Variants in GALNT14 observed in about 807,000 individuals in gnomAD.
GALNT14 encodes polypeptide N-acetylgalactosaminyltransferase 14, also known as UDP-GalNAc:polypeptide N-acetylgalactosaminyltransferase 14.
Under a neutral mutation model 77.5 loss-of-function variants are expected in GALNT14, and 60 were observed. The ratio of observed to expected loss-of-function variants is 0.77; its 90% CI spans 0.63 to 0.96. The LOEUF is 0.96. Ranked by LOEUF, GALNT14 falls within the 40% of genes least tolerant of loss-of-function variation. GALNT14 has a pLI of 0.00. For missense variants in GALNT14, 710 were observed against 731.0 expected (o/e 0.97, Z 0.33); for synonymous variants, 280 against 281.7 (o/e 0.99, Z 0.06).
intron 2 of GALNT14, among the ~76,000 whole-genome samples, chr2:30,989,236 G>A (rs1288123632): frequency 6.6e-6 from 1 of 152,048 alleles, no homozygotes. Context: ...CTAAGGACCA[G>A]CACCCCACAC....
At chr2:30,911,165 C>T in intron 14 of GALNT14, 106 bp from the exon 15 acceptor site, 1 of 994,476 alleles carries the variant, frequency 1.0e-6, no homozygotes, top group Non-Finnish European at 1.5e-6. Context: ...CACTGAGAGA[C>T]TTGATTTCAT....
intron 1 of GALNT14, among the ~76,000 whole-genome samples, chr2:31,026,875 T>C (rs1672088308): frequency 1.3e-5 from 2 of 152,360 alleles, no homozygotes; most frequent in South Asian, 4.1e-4. Flanking sequence ...CCCACTTTTT[T>C]GAGTACAACC....
intron 8 of GALNT14, among the ~76,000 whole-genome samples, chr2:30,943,817 C>A (rs1307187141): frequency 3.3e-5 from 5 of 152,182 alleles, no homozygotes; most frequent in Non-Finnish European, 5.9e-5. Flanking sequence ...AAGGAGGGGC[C>A]ATCAGGTAGA....
chr2:31,046,089 A>G (rs1381782287), intron 1 of GALNT14, among the ~76,000 whole-genome samples: 1 of 152,224 alleles, frequency 6.6e-6, no homozygotes, highest in African/African-American at 2.4e-5. Flanking sequence ...CAGTCCTCAC[A>G]GGATTCCAAT....
intron 1 of GALNT14, among the ~76,000 whole-genome samples, chr2:31,025,520 A>T (rs1671986612): frequency 6.6e-6 from 1 of 152,202 alleles, no homozygotes; most frequent in South Asian, 2.1e-4. Flanking sequence ...GAATGACAAG[A>T]CAGGGCTGGA....
At chr2:30,967,746 A>G (rs559409074) in intron 2 of GALNT14, among the ~76,000 whole-genome samples, 1 of 152,234 alleles carries the variant, frequency 6.6e-6, no homozygotes, top group Admixed American at 6.5e-5. Context: ...TTCTGCCTTC[A>G]GTCTCTGCCC....
chr2:31,047,952 G>A (rs559131967), intron 1 of GALNT14, among the ~76,000 whole-genome samples: 11 of 152,324 alleles, frequency 7.2e-5, no homozygotes, highest in South Asian at 4.1e-4. Flanking sequence ...TTTCAATGCC[G>A]GTACCCAGCC....
chr2:30,893,647 T>G, the GALNT14 span, among the ~76,000 whole-genome samples: 1 of 152,174 alleles, frequency 6.6e-6, no homozygotes, highest in Non-Finnish European at 1.5e-5. Flanking sequence ...ATTTTTAAAT[T>G]GTCGAGGTAA....
chr2:31,008,667 A>G (rs7592782), intron 1 of GALNT14, among the ~76,000 whole-genome samples: 44,138 of 152,098 alleles, frequency 0.29, 6,645 homozygotes, highest in East Asian at 0.4. Flanking sequence ...AGCCAGCATG[A>G]GTGGTGGGAG....
At chr2:30,981,851 C>T (rs1669008109) in intron 2 of GALNT14, among the ~76,000 whole-genome samples, 1 of 152,192 alleles carries the variant, frequency 6.6e-6, no homozygotes, top group Non-Finnish European at 1.5e-5. Flanking sequence ...AACAGACACC[C>T]AGGGAGCTGA....
intron 1 of GALNT14, among the ~76,000 whole-genome samples, chr2:31,107,659 T>C (rs1419830496): frequency 6.6e-6 from 1 of 152,170 alleles, no homozygotes; most frequent in Non-Finnish European, 1.5e-5. Flanking sequence ...ACGAGTCACC[T>C]CTTGAGACTC....
At chr2:30,976,465 C>T (rs1023763926) in intron 2 of GALNT14, among the ~76,000 whole-genome samples, 3 of 152,016 alleles carry the variant, frequency 2.0e-5, no homozygotes, top group African/African-American at 7.2e-5. Flanking sequence ...TGGTGGAAAC[C>T]CTGGGGGAAG....
At chr2:31,112,079 C>T (rs1457116014) in intron 1 of GALNT14, among the ~76,000 whole-genome samples, 2 of 151,730 alleles carry the variant, frequency 1.3e-5, no homozygotes, top group African/African-American at 4.8e-5. Flanking sequence ...ATTTCAATTG[C>T]CAATGCCATA....
intron 1 of GALNT14, among the ~76,000 whole-genome samples, chr2:31,110,660 T>C (rs1483411032): frequency 1.3e-5 from 2 of 152,156 alleles, no homozygotes; most frequent in African/African-American, 2.4e-5. Flanking sequence ...GCATGCTTGG[T>C]TCTTGGGCAA....
At chr2:30,921,356 A>G (rs1665019434) in intron 13 of GALNT14, among the ~76,000 whole-genome samples, 1 of 152,242 alleles carries the variant, frequency 6.6e-6, no homozygotes. Context: ...GATTCAGAAG[A>G]CAGGGATGTG....
At chr2:31,081,450 A>G (rs1300844435) in intron 1 of GALNT14, among the ~76,000 whole-genome samples, 5 of 152,258 alleles carry the variant, frequency 3.3e-5, no homozygotes, top group Non-Finnish European at 7.3e-5. Flanking sequence ...AGGAAAGGGT[A>G]AAGACTGAGT....
At chr2:31,136,850 GGCACCTACTAT>G (rs1483041431) in intron 1 of GALNT14, among the ~76,000 whole-genome samples, 1 of 152,146 alleles carries the variant, frequency 6.6e-6, no homozygotes, top group Non-Finnish European at 1.5e-5. Flanking sequence ...TTATGAGGAA[GGCACCTACTAT>G]GCACCTGGCA....
intron 6 of GALNT14, among the ~76,000 whole-genome samples, chr2:30,949,263 A>G (rs1433391209): frequency 2.0e-5 from 3 of 152,152 alleles, no homozygotes; most frequent in Non-Finnish European, 4.4e-5. Context: ...GTGCTGGCTA[A>G]AAGAGGGCAT....
chr2:31,038,747 AT>A (rs34671516), intron 1 of GALNT14, among the ~76,000 whole-genome samples: 8,898 of 143,864 alleles, frequency 0.062, 355 homozygotes, highest in East Asian at 0.12. Flanking sequence ...AGATTCAGCA[AT>A]TTTTTTTTTT....
Sources: allele counts gnomAD v4.1 joint callset (sites outside exome capture counted in the v4.1 genomes callset), GRCh38; gene constraint gnomAD v4.1.1; transcripts MANE v1.5; gene names NCBI Gene and HGNC (gene_info 2026-07-23, HGNC 2026-07-21).